AGBL1: variants seen among roughly 807,000 people sequenced by gnomAD.
AGBL1 encodes cytosolic carboxypeptidase 4.
Under a neutral mutation model 118.9 loss-of-function variants are expected in AGBL1, and 130 were observed. The ratio of observed to expected loss-of-function variants is 1.09; its 90% CI spans 0.95 to 1.26. AGBL1 has a LOEUF of 1.26. Ranked by LOEUF, AGBL1 falls within the 50% of genes most tolerant of loss-of-function variation. AGBL1 has a pLI of 0.00. For missense variants in AGBL1, 1,584 were observed against 1,298.1 expected (o/e 1.22, Z -3.38); for synonymous variants, 555 against 478.9 (o/e 1.16, Z -2.08).
chr15:86,250,424 G>T (rs562168147), intron 7 of AGBL1, among the ~76,000 whole-genome samples: 1 of 151,238 alleles, frequency 6.6e-6, no homozygotes, highest in Non-Finnish European at 1.5e-5. Context: ...TACTCAGGAG[G>T]CTGAGACAGA....
At position 86,547,826 on chromosome 15, in the gene AGBL1, G is replaced by C. The variant is rs184050102; in HGVS notation, c.2817+1693G>C. The stretch of plus-strand genomic sequence containing the variant: ...TTTTCTACATAGTTTATTACATCAA[G>C]TTTGTTGGTGCCCTGGGATTCCTTA... On this transcript the variant is annotated intron_variant, in intron 20 of 22. Transcript: ENST00000614907. Among the ~76,000 whole-genome samples the C allele has an allele frequency of 9.2e-5, 14 of 152,256 alleles. No individual in the cohort carries two copies. In the East Asian group the frequency reaches 1.9e-3, roughly 21 times the overall value.
intron 21 of AGBL1, among the ~76,000 whole-genome samples, chr15:86,662,386 T>C (rs929910627): frequency 6.6e-6 from 1 of 152,230 alleles, no homozygotes; most frequent in Admixed American, 6.5e-5. Flanking sequence ...ATTTTCCCAT[T>C]TTTAAGAAGA....
At chr15:86,340,609 C>A (rs1278462791) in intron 17 of AGBL1, among the ~76,000 whole-genome samples, 2 of 152,092 alleles carry the variant, frequency 1.3e-5, no homozygotes, top group Admixed American at 1.3e-4. Context: ...CCTGAAAGCA[C>A]GTTGATTTTG....
chr15:86,482,110 C>A (rs2142125279), intron 18 of AGBL1, among the ~76,000 whole-genome samples: 1 of 152,280 alleles, frequency 6.6e-6, no homozygotes, highest in Middle Eastern at 3.4e-3. Flanking sequence ...TGACTTATAA[C>A]TGTGATGAGT....
Position 86,802,250 on chromosome 15 carries a change from T to G in AGBL1, c.3159-104837T>G, listed in dbSNP as rs538668945. Reference sequence around the variant, plus strand: ...TTATATTATTATTCCCATTTTCAAATGAGCCAGATGCTTTCTAATGAGGTT... The same window carrying G: ...TTATATTATTATTCCCATTTTCAAAGGAGCCAGATGCTTTCTAATGAGGTT... On this transcript the variant is annotated intron_variant, in intron 22 of 22. Transcript: ENST00000614907. Among the ~76,000 whole-genome samples, 4 of 151,378 alleles carry G rather than the reference T, an allele frequency of 2.6e-5. No individual in the cohort carries two copies. The East Asian group carries it at 7.8e-4, about 30-fold the overall frequency.
At chr15:86,730,275 C>G (rs994941217) in intron 22 of AGBL1, among the ~76,000 whole-genome samples, 2 of 152,128 alleles carry the variant, frequency 1.3e-5, no homozygotes, top group Admixed American at 6.5e-5. Flanking sequence ...CCTAATTAAA[C>G]TAAAGAGCCT....
chr15:86,230,775 G>A (rs569419589), intron 6 of AGBL1, among the ~76,000 whole-genome samples: 1 of 152,286 alleles, frequency 6.6e-6, no homozygotes, highest in South Asian at 2.1e-4. Flanking sequence ...ACCACATGAT[G>A]CTTTGAAATA....
intron 23 of AGBL1, among the ~76,000 whole-genome samples, chr15:86,932,030 C>T (rs1002471815): frequency 2.0e-5 from 3 of 152,066 alleles, no homozygotes; most frequent in African/African-American, 7.2e-5. Flanking sequence ...AGTTATAAAG[C>T]TGGAAGGGAT....
chr15:86,427,074 T>C (rs2081876322), intron 18 of AGBL1, among the ~76,000 whole-genome samples: 1 of 152,212 alleles, frequency 6.6e-6, no homozygotes, highest in African/African-American at 2.4e-5. Flanking sequence ...CCTTGTTTTA[T>C]TTAATTTGAG....
intron 1 of AGBL1, among the ~76,000 whole-genome samples, chr15:86,133,880 AAAACC>A (rs2076851354): frequency 6.6e-6 from 1 of 152,220 alleles, no homozygotes; most frequent in East Asian, 1.9e-4. Context: ...ATTTTGTTAC[AAAACC>A]ACATTACCTA....
intron 21 of AGBL1, among the ~76,000 whole-genome samples, chr15:86,663,808 A>G (rs2085590888): frequency 6.6e-6 from 1 of 152,186 alleles, no homozygotes; most frequent in African/African-American, 2.4e-5. Context: ...CTCTGGCTCT[A>G]CTGCTACTTA....
At chr15:86,363,520 C>G (rs983673605) in intron 17 of AGBL1, among the ~76,000 whole-genome samples, 1 of 152,062 alleles carries the variant, frequency 6.6e-6, no homozygotes, top group African/African-American at 2.4e-5. Flanking sequence ...TTCTGGAAGC[C>G]CTCTCTTCCC....
At chr15:86,191,277 G>A (rs1037848935) in intron 5 of AGBL1, among the ~76,000 whole-genome samples, 1 of 148,828 alleles carries the variant, frequency 6.7e-6, no homozygotes, top group African/African-American at 2.5e-5. Context: ...GAACCTGGGA[G>A]GCGGAGGTTG....
rs558156208 is a variant in AGBL1 at position 86,114,515 on chromosome 15, A to T, written c.52-27489A>T. Among the ~76,000 whole-genome samples, 3 of 152,316 alleles carry T rather than the reference A, an allele frequency of 2.0e-5. No individual in the cohort carries two copies. In the South Asian group the frequency reaches 6.2e-4, roughly 32 times the overall value. On this transcript the variant is annotated intron_variant, in intron 1 of 22. Coordinates refer to ENST00000614907, the MANE Select transcript of AGBL1 (RefSeq NM_001386094.1). ...TTAGCTCCTTATGGCCCAAATGCTG[A>T]CTCAATATCAATATGATGTAGATAT...
rs148122911 is a variant in AGBL1, at chr15:86,733,806, C to T, written c.3158+59370C>T. On this transcript the variant is annotated intron_variant, in intron 22 of 22. Coordinates refer to ENST00000614907, the MANE Select transcript of AGBL1 (RefSeq NM_001386094.1). Reference sequence around the variant, plus strand: ...GAATTGGCAAATGTAGTATTTTATCCTGGTTAAAAGTGTCTTTATCCTTTA... The same window carrying T: ...GAATTGGCAAATGTAGTATTTTATCTTGGTTAAAAGTGTCTTTATCCTTTA... 5.3e-5 allele frequency among the ~76,000 whole-genome samples: 8 copies of T among 152,230 alleles called. No individual in the cohort carries two copies. In the East Asian group the frequency reaches 1.5e-3, roughly 29 times the overall value.
At chr15:86,426,617 C>T (rs1297074245) in intron 18 of AGBL1, among the ~76,000 whole-genome samples, 1 of 152,162 alleles carries the variant, frequency 6.6e-6, no homozygotes, top group Non-Finnish European at 1.5e-5. Flanking sequence ...TTATGCCCTG[C>T]CTAAATGCAG....
intron 22 of AGBL1, among the ~76,000 whole-genome samples, chr15:86,742,873 A>T (rs1243264103): frequency 6.6e-6 from 1 of 152,242 alleles, no homozygotes; most frequent in Non-Finnish European, 1.5e-5. Flanking sequence ...GCCTACAGGT[A>T]GCTTAGTTCA....
At chr15:86,459,728 A>G (rs1034951222) in intron 18 of AGBL1, among the ~76,000 whole-genome samples, 1 of 152,142 alleles carries the variant, frequency 6.6e-6, no homozygotes, top group African/African-American at 2.4e-5. Flanking sequence ...CTTTTTGGAA[A>G]TGGTAGAATT....
intron 1 of AGBL1, among the ~76,000 whole-genome samples, chr15:86,134,409 G>A (rs1025243776): frequency 9.2e-5 from 14 of 152,098 alleles, no homozygotes; most frequent in African/African-American, 3.4e-4. Context: ...AATGTTATGG[G>A]CTTGTTCTTT....
Sources: gnomAD v4.1 joint callset for allele counts (sites outside exome capture counted in the v4.1 genomes callset) on GRCh38, gnomAD v4.1.1 for gene constraint, MANE v1.5 for transcripts, NCBI Gene and HGNC (gene_info 2026-07-23, HGNC 2026-07-21) for gene names.